The following CUEDC1 variants were observed in gnomAD, a reference collection of about 807,000 sequenced individuals.
CUEDC1 encodes CUE domain containing 1, also known as CUE domain-containing protein 1.
Under a neutral mutation model 43.7 loss-of-function variants are expected in CUEDC1, and 30 were observed. That is an observed-to-expected ratio of 0.69 (90% CI 0.51 to 0.93). The LOEUF (loss-of-function observed/expected upper bound fraction) is 0.93, where lower values mean the gene tolerates loss of function less well. CUEDC1 is among the 40% of genes least tolerant of loss of function. The pLI, the probability that CUEDC1 is intolerant of heterozygous loss-of-function variation, is 0.00. For synonymous variants in CUEDC1, 223 were observed against 223.6 expected (o/e 1.00, Z 0.02); for missense variants, 486 against 549.0 (o/e 0.89, Z 1.15).
At chr17:57,952,508 T>C (rs921592589) in intron 1 of CUEDC1, among the ~76,000 whole-genome samples, 21 of 152,250 alleles carry the variant, frequency 1.4e-4, no homozygotes, top group Admixed American at 9.8e-4. Context: ...ATTACAGGCA[T>C]GAGCCACCGC....
intron 1 of CUEDC1, among the ~76,000 whole-genome samples, chr17:57,894,406 C>T (rs1273373873): frequency 3.9e-5 from 6 of 152,194 alleles, no homozygotes. Context: ...CTTGGTGGCT[C>T]ATGCCTGTAA....
chr17:57,867,533 CTG>C, intron 8 of CUEDC1, 118 bp from the exon 9 acceptor site: 1 of 889,092 alleles, frequency 1.1e-6, no homozygotes, highest in Non-Finnish European at 1.8e-6. Flanking sequence ...ACACACCCAC[CTG>C]ACCCCCCACA....
At chr17:57,947,363 C>T (rs141091372) in intron 1 of CUEDC1, among the ~76,000 whole-genome samples, 152 of 152,304 alleles carry the variant, frequency 1.0e-3, no homozygotes, top group African/African-American at 3.4e-3. Context: ...AGCATCCGTT[C>T]ATATTTGGTT....
chr17:57,937,380 T>G (rs918979253), intron 1 of CUEDC1, among the ~76,000 whole-genome samples: 1 of 151,284 alleles, frequency 6.6e-6, no homozygotes, highest in Non-Finnish European at 1.5e-5. Context: ...GGAAGCCGAG[T>G]TGGGAGGATC....
chr17:57,893,374 T>TGTGTGTGTGTGTGTGTGTGTGTG (rs397762963), intron 1 of CUEDC1, among the ~76,000 whole-genome samples: 25 of 151,830 alleles, frequency 1.6e-4, no homozygotes, highest in Non-Finnish European at 2.8e-4. Flanking sequence ...TGTGTGTGTG[T>TGTGTGTGTGTGTGTGTGTGTGTG]TTCAGGCAGC....
intron 1 of CUEDC1, among the ~76,000 whole-genome samples, chr17:57,907,194 G>A (rs1013220176): frequency 1.3e-5 from 2 of 152,134 alleles, no homozygotes; most frequent in Non-Finnish European, 2.9e-5. Flanking sequence ...ACAAGGCTGG[G>A]GGAGACAGCA....
chr17:57,887,310 G>A (rs1483114883), intron 1 of CUEDC1, among the ~76,000 whole-genome samples: 5 of 152,144 alleles, frequency 3.3e-5, no homozygotes, highest in African/African-American at 1.2e-4. Flanking sequence ...GTAAATCACT[G>A]CCAAGGTTGC....
At chr17:57,893,907 A>T (rs2074382424) in intron 1 of CUEDC1, among the ~76,000 whole-genome samples, 2 of 152,210 alleles carry the variant, frequency 1.3e-5, no homozygotes, top group South Asian at 2.1e-4. Flanking sequence ...CAGCCTGGCC[A>T]AAATGGTGAA....
chr17:57,889,709 A>G (rs2074335510), intron 1 of CUEDC1, among the ~76,000 whole-genome samples: 1 of 152,232 alleles, frequency 6.6e-6, no homozygotes, highest in Non-Finnish European at 1.5e-5. Flanking sequence ...AATGGGAAAC[A>G]CAAGGAAGCA....
chr17:57,927,805 CA>C (rs1269365131), intron 1 of CUEDC1, among the ~76,000 whole-genome samples: 1 of 152,266 alleles, frequency 6.6e-6, no homozygotes, highest in African/African-American at 2.4e-5. Flanking sequence ...GTAGGCAAAA[CA>C]ATTCATGCAA....
intron 1 of CUEDC1, among the ~76,000 whole-genome samples, chr17:57,901,052 TC>T (rs1255659637): frequency 6.6e-6 from 1 of 152,188 alleles, no homozygotes; most frequent in Non-Finnish European, 1.5e-5. Flanking sequence ...TCTAACAAGC[TC>T]CCTGGGTCAT....
intron 3 of CUEDC1, among the ~76,000 whole-genome samples, chr17:57,874,777 C>A (rs1222612256): frequency 6.6e-6 from 1 of 152,198 alleles, no homozygotes; most frequent in Non-Finnish European, 1.5e-5. Context: ...CGCCCGCCCC[C>A]TCACTGGAGG....
chr17:57,870,507 CCCT>C (rs755709924), intron 6 of CUEDC1, among the ~76,000 whole-genome samples: 12 of 152,310 alleles, frequency 7.9e-5, no homozygotes, highest in South Asian at 2.1e-4. Context: ...ATTAATCCTG[CCCT>C]CCTTTTTTCC....
chr17:57,926,873 G>C (rs73314293), intron 1 of CUEDC1, among the ~76,000 whole-genome samples: 5,589 of 152,218 alleles, frequency 0.037, 347 homozygotes, highest in African/African-American at 0.13. Flanking sequence ...TCAGCGGCTG[G>C]TGCCACACCG....
At chr17:57,864,153 G>A (rs2073922644) in intron 10 of CUEDC1, among the ~76,000 whole-genome samples, 1 of 152,128 alleles carries the variant, frequency 6.6e-6, no homozygotes, top group East Asian at 1.9e-4. Context: ...TAGGTGATGA[G>A]CATCTATCAG....
At chr17:57,864,950 G>A (rs1435625161) in intron 10 of CUEDC1, among the ~76,000 whole-genome samples, 5 of 152,170 alleles carry the variant, frequency 3.3e-5, no homozygotes, top group Admixed American at 6.5e-5. Context: ...CCAGCTACTC[G>A]GGAGGCTGAG....
chr17:57,936,577 G>C (rs1372579173), intron 1 of CUEDC1, among the ~76,000 whole-genome samples: 1 of 152,162 alleles, frequency 6.6e-6, no homozygotes, highest in African/African-American at 2.4e-5. Flanking sequence ...GATGCAGATG[G>C]GCAGCGGGAG....
intron 1 of CUEDC1, among the ~76,000 whole-genome samples, chr17:57,908,420 A>T (rs1442378527): frequency 6.6e-6 from 1 of 152,126 alleles, no homozygotes; most frequent in Non-Finnish European, 1.5e-5. Flanking sequence ...AGGGCCCCAC[A>T]TGCTGAGAAC....
chr17:57,887,830 C>G (rs964191525), intron 1 of CUEDC1, among the ~76,000 whole-genome samples: 2 of 150,146 alleles, frequency 1.3e-5, no homozygotes, highest in Non-Finnish European at 3.0e-5. Context: ...GTACATCAAC[C>G]CCTGAGAAAA....
Sources: gnomAD v4.1 joint callset for allele counts (sites outside exome capture counted in the v4.1 genomes callset) on GRCh38, gnomAD v4.1.1 for gene constraint, MANE v1.5 for transcripts, NCBI Gene and HGNC (gene_info 2026-07-23, HGNC 2026-07-21) for gene names.